ZNF385D: variants seen among roughly 807,000 people sequenced by gnomAD.
ZNF385D encodes the protein zinc finger protein 659.
ZNF385D carries 15 observed loss-of-function variants against 35.8 expected under a neutral mutation model. That is an observed-to-expected ratio of 0.42 (90% CI 0.28 to 0.64). The LOEUF (loss-of-function observed/expected upper bound fraction) is 0.64, where lower values mean the gene tolerates loss of function less well. Ranked by LOEUF, ZNF385D falls within the 30% of genes least tolerant of loss-of-function variation. The pLI is 0.23. For missense variants in ZNF385D, 474 were observed against 494.6 expected (o/e 0.96, Z 0.39); for synonymous variants, 212 against 186.8 (o/e 1.13, Z -1.10).
intron 3 of ZNF385D, among the ~76,000 whole-genome samples, chr3:21,890,988 A>G (rs981733388): frequency 2.0e-5 from 3 of 152,194 alleles, no homozygotes; most frequent in Non-Finnish European, 4.4e-5. Context: ...GCATGGCAGA[A>G]AAGCAAACCC....
intron 3 of ZNF385D, among the ~76,000 whole-genome samples, chr3:22,140,264 T>C (rs1309640208): frequency 1.3e-5 from 2 of 152,178 alleles, no homozygotes; most frequent in Non-Finnish European, 2.9e-5. Flanking sequence ...GAACAGATTA[T>C]TGATAACACA....
At chr3:21,726,544 A>G (rs1254268831) in intron 1 of ZNF385D, among the ~76,000 whole-genome samples, 1 of 152,184 alleles carries the variant, frequency 6.6e-6, no homozygotes, top group Admixed American at 6.5e-5. Flanking sequence ...ACAAACAGAG[A>G]GCCAAATCAT....
chr3:21,868,296 G>A (rs1055232754), intron 3 of ZNF385D, among the ~76,000 whole-genome samples: 1 of 151,966 alleles, frequency 6.6e-6, no homozygotes. Flanking sequence ...TTACAAAAGA[G>A]GCAACAGGAA....
intron 3 of ZNF385D, among the ~76,000 whole-genome samples, chr3:22,150,546 A>T (rs17010903): frequency 0.026 from 3,994 of 152,190 alleles, 165 homozygotes; most frequent in African/African-American, 0.091. Context: ...TTATTTACAT[A>T]GAAGGCATAC....
chr3:21,942,945 G>T (rs775197495), intron 3 of ZNF385D, among the ~76,000 whole-genome samples: 2 of 152,158 alleles, frequency 1.3e-5, no homozygotes, highest in Non-Finnish European at 2.9e-5. Flanking sequence ...TGCCTTGTAA[G>T]ATGTTATAAC....
intron 4 of ZNF385D, among the ~76,000 whole-genome samples, chr3:21,451,245 T>C (rs1293072205): frequency 6.6e-6 from 1 of 152,048 alleles, no homozygotes; most frequent in Non-Finnish European, 1.5e-5. Context: ...TATTGAAGAA[T>C]ATATCCTGTT....
intron 2 of ZNF385D, among the ~76,000 whole-genome samples, chr3:21,640,532 C>A (rs367623570): frequency 6.6e-6 from 1 of 151,966 alleles, no homozygotes; most frequent in East Asian, 1.9e-4. Flanking sequence ...GGGTGGAGCC[C>A]CCATGACAAG....
intron 2 of ZNF385D, among the ~76,000 whole-genome samples, chr3:21,576,838 G>C (rs1303899678): frequency 6.6e-6 from 1 of 152,122 alleles, no homozygotes; most frequent in Non-Finnish European, 1.5e-5. Context: ...TTCTTTTTCT[G>C]TAACAGGTTT....
At chr3:21,453,759 G>C (rs943725841) in intron 4 of ZNF385D, among the ~76,000 whole-genome samples, 9 of 151,952 alleles carry the variant, frequency 5.9e-5, no homozygotes, top group African/African-American at 2.2e-4. Flanking sequence ...TATGTTACTG[G>C]TGGTAATATA....
intron 3 of ZNF385D, among the ~76,000 whole-genome samples, chr3:22,010,033 A>T (rs1353390399): frequency 1.3e-5 from 2 of 152,188 alleles, no homozygotes; most frequent in Non-Finnish European, 2.9e-5. Flanking sequence ...GTCACTTCTG[A>T]ACTGTTATCA....
In ZNF385D at chr3:21,750,953, G is replaced by C. The variant is rs1441994979; in HGVS notation, c.-37C>G. 2 of 1,613,852 alleles carry C rather than the reference G, an allele frequency of 1.2e-6. No homozygotes were observed. The highest frequency in any genetic ancestry group is 3.3e-5 in the Admixed American group (2 of 59,996). ...CTGGAATCCCACCGCGGTGTCTTCA[G>C]CATCAGCTCTCACCCAAGGCTGGCA... On this transcript the variant is annotated 5_prime_UTR_variant, in exon 1 of 8. Coordinates refer to ENST00000281523, the MANE Select transcript of ZNF385D (RefSeq NM_024697.3).
At chr3:21,760,780 C>G (rs1198795423) in intron 3 of ZNF385D, among the ~76,000 whole-genome samples, 3 of 152,152 alleles carry the variant, frequency 2.0e-5, no homozygotes, top group Admixed American at 6.5e-5. Flanking sequence ...TTACATTTAA[C>G]TGAGAGAACA....
At chr3:21,803,137 C>T (rs1334683019) in intron 3 of ZNF385D, among the ~76,000 whole-genome samples, 1 of 152,136 alleles carries the variant, frequency 6.6e-6, no homozygotes, top group Non-Finnish European at 1.5e-5. Flanking sequence ...ATATAAGCCT[C>T]CCAGGCATTT....
chr3:21,821,483 T>C (rs1039524895), intron 3 of ZNF385D, among the ~76,000 whole-genome samples: 1 of 152,166 alleles, frequency 6.6e-6, no homozygotes, highest in African/African-American at 2.4e-5. Flanking sequence ...ACATATTTAA[T>C]CATGTAATGT....
intron 4 of ZNF385D, among the ~76,000 whole-genome samples, chr3:21,453,707 A>G (rs925157451): frequency 2.0e-5 from 3 of 152,042 alleles, no homozygotes; most frequent in African/African-American, 4.8e-5. Context: ...ATAAAACAAC[A>G]TAACTAGTGT....
intron 3 of ZNF385D, among the ~76,000 whole-genome samples, chr3:21,948,792 A>G (rs1159578663): frequency 6.6e-6 from 1 of 152,190 alleles, no homozygotes; most frequent in Admixed American, 6.5e-5. Context: ...ATGTGAAATT[A>G]ACTATTATGT....
intron 3 of ZNF385D, among the ~76,000 whole-genome samples, chr3:22,099,025 T>A (rs1247812430): frequency 6.6e-6 from 1 of 152,068 alleles, no homozygotes; most frequent in African/African-American, 2.4e-5. Context: ...TCATAGGGAT[T>A]TCTGTAATGA....
intron 4 of ZNF385D, among the ~76,000 whole-genome samples, chr3:21,439,547 C>T (rs1358712569): frequency 6.6e-6 from 1 of 151,864 alleles, no homozygotes; most frequent in African/African-American, 2.4e-5. Flanking sequence ...CTAGTAATAC[C>T]CTGCTCTAAC....
intron 3 of ZNF385D, chr3:21,563,458 C>T (rs889977406): frequency 6.6e-6 from 1 of 152,140 alleles, no homozygotes; most frequent in Non-Finnish European, 1.5e-5. Flanking sequence ...CTGATGATTG[C>T]ATTAGTAAGT....
Sources: gnomAD v4.1 joint callset for allele counts (sites outside exome capture counted in the v4.1 genomes callset) on GRCh38, gnomAD v4.1.1 for gene constraint, MANE v1.5 for transcripts, NCBI Gene and HGNC (gene_info 2026-07-23, HGNC 2026-07-21) for gene names.